The following QTMAN variants were observed in gnomAD, a reference collection of about 807,000 sequenced individuals.
The protein encoded by QTMAN is tRNA-queuosine alpha-mannosyltransferase.
chr2:143,952,091 A>G, the QTMAN span: 83 of 1,483,452 alleles, frequency 5.6e-5, no homozygotes, highest in African/African-American at 4.6e-4. Flanking sequence ...AAAAACAGAT[A>G]CATTTTTAAT....
chr2:144,087,200 C>A, the QTMAN span, among the ~76,000 whole-genome samples: 1 of 152,056 alleles, frequency 6.6e-6, no homozygotes, highest in African/African-American at 2.4e-5. Context: ...CTATGAACAG[C>A]TTTCCATAAA....
chr2:144,182,859 ATAAT>A, the QTMAN span, among the ~76,000 whole-genome samples: 2 of 71,144 alleles, frequency 2.8e-5, no homozygotes, highest in Admixed American at 2.1e-4. Context: ...TATTTTATAT[ATAAT>A]ATATATATAT....
chr2:144,040,235 G>A, the QTMAN span, among the ~76,000 whole-genome samples: 15 of 152,072 alleles, frequency 9.9e-5, no homozygotes, highest in Admixed American at 2.6e-4. Context: ...GAATATGAGC[G>A]TGAGAGCAGA....
the QTMAN span, chr2:143,942,975 CAA>C: frequency 2.0e-5 from 3 of 152,214 alleles, no homozygotes; most frequent in African/African-American, 4.8e-5. Flanking sequence ...TGAAATGTCA[CAA>C]AGAGTGGCAA....
the QTMAN span, among the ~76,000 whole-genome samples, chr2:144,187,510 A>G: frequency 1.3e-5 from 2 of 152,128 alleles, no homozygotes; most frequent in Non-Finnish European, 2.9e-5. Flanking sequence ...CCACGCTACC[A>G]CATTGGGGAT....
chr2:144,300,295 T>A, the QTMAN span, among the ~76,000 whole-genome samples: 1 of 151,972 alleles, frequency 6.6e-6, no homozygotes, highest in South Asian at 2.1e-4. Flanking sequence ...GTAAAAACTA[T>A]TTTTTTTAAT....
At chr2:144,134,931 C>T in the QTMAN span, among the ~76,000 whole-genome samples, 2 of 151,760 alleles carry the variant, frequency 1.3e-5, no homozygotes, top group Non-Finnish European at 2.9e-5. Flanking sequence ...TAACTTTTTC[C>T]ATAATGGGAC....
the QTMAN span, among the ~76,000 whole-genome samples, chr2:144,234,489 T>C: frequency 6.6e-6 from 1 of 152,178 alleles, no homozygotes; most frequent in Admixed American, 6.5e-5. Flanking sequence ...GATCCCATGC[T>C]GGCATATTTT....
the QTMAN span, among the ~76,000 whole-genome samples, chr2:144,136,405 G>GAAAGGAAAGGAAAGGAAAGA: frequency 6.9e-6 from 1 of 143,928 alleles, no homozygotes; most frequent in Non-Finnish European, 1.5e-5. Flanking sequence ...AAAAGGAAAG[G>GAAAGGAAAGGAAAGGAAAGA]AAAGGAAAGG....
At chr2:143,968,949 T>C in the QTMAN span, among the ~76,000 whole-genome samples, 2 of 152,200 alleles carry the variant, frequency 1.3e-5, no homozygotes, top group Admixed American at 1.3e-4. Context: ...GGTTTCATCA[T>C]ATTTCTTTCC....
chr2:144,128,890 A>T, the QTMAN span, among the ~76,000 whole-genome samples: 2 of 151,806 alleles, frequency 1.3e-5, no homozygotes, highest in African/African-American at 4.8e-5. Flanking sequence ...ATAATACAAG[A>T]ATTTTCAAAA....
At chr2:144,207,861 T>C in the QTMAN span, among the ~76,000 whole-genome samples, 4 of 152,014 alleles carry the variant, frequency 2.6e-5, no homozygotes, top group East Asian at 7.7e-4. Flanking sequence ...TTATTATTAT[T>C]GTTATTATTA....
At chr2:144,278,772 G>A in the QTMAN span, among the ~76,000 whole-genome samples, 1 of 151,982 alleles carries the variant, frequency 6.6e-6, no homozygotes, top group Admixed American at 6.6e-5. Context: ...AGCAATTCCT[G>A]AAAAGTGTCA....
At chr2:144,277,654 AT>A in the QTMAN span, among the ~76,000 whole-genome samples, 510 of 150,984 alleles carry the variant, frequency 3.4e-3, 1 homozygote, top group African/African-American at 9.9e-3. Context: ...CACCTACAAA[AT>A]TTTTTTTTTC....
the QTMAN span, among the ~76,000 whole-genome samples, chr2:144,286,349 T>C: frequency 1.3e-5 from 2 of 152,232 alleles, no homozygotes; most frequent in Non-Finnish European, 2.9e-5. Flanking sequence ...TATCTTAGGC[T>C]ATACTCACAG....
chr2:144,022,560 C>CTTTTTTT, the QTMAN span, among the ~76,000 whole-genome samples: 9 of 104,260 alleles, frequency 8.6e-5, no homozygotes, highest in East Asian at 3.0e-4. Context: ...CTCTCTCTCT[C>CTTTTTTT]TTTTTTTTTT....
At chr2:144,266,432 T>C in the QTMAN span, among the ~76,000 whole-genome samples, 1 of 152,196 alleles carries the variant, frequency 6.6e-6, no homozygotes, top group Non-Finnish European at 1.5e-5. Flanking sequence ...TAAGCCTCAA[T>C]TTCCTTATCC....
the QTMAN span, among the ~76,000 whole-genome samples, chr2:144,319,054 T>A: frequency 6.6e-6 from 1 of 152,224 alleles, no homozygotes; most frequent in African/African-American, 2.4e-5. Context: ...TACATAGGTT[T>A]ATTTTCAGTT....
chr2:144,061,862 G>A, the QTMAN span, among the ~76,000 whole-genome samples: 35 of 152,224 alleles, frequency 2.3e-4, 1 homozygote, highest in Admixed American at 1.1e-3. Flanking sequence ...GAGAGGAAGC[G>A]TCTGAACATC....
Sources: gnomAD v4.1 joint callset for allele counts (sites outside exome capture counted in the v4.1 genomes callset) on GRCh38, gnomAD v4.1.1 for gene constraint, MANE v1.5 for transcripts, NCBI Gene and HGNC (gene_info 2026-07-23, HGNC 2026-07-21) for gene names.